HAUS3: variants seen among roughly 807,000 people sequenced by gnomAD.
The protein encoded by HAUS3 is HAUS augmin like complex subunit 3.
In HAUS3, 36 loss-of-function variants were observed where a neutral mutation model predicts 55.2. The observed-to-expected ratio is 0.65, with a 90% CI of 0.50 to 0.86. The LOEUF (loss-of-function observed/expected upper bound fraction) is 0.86, where lower values mean the gene tolerates loss of function less well. HAUS3 is among the 40% of genes least tolerant of loss of function. The pLI is 0.00. For synonymous variants in HAUS3, 234 were observed against 238.6 expected (o/e 0.98, Z 0.18); for missense variants, 752 against 671.5 (o/e 1.12, Z -1.33).
chr4:2,229,185 G>A lies in HAUS3; in HGVS notation c.*2742C>T, dbSNP rs779977250. The A allele has an allele frequency of 6.0e-5, 96 of 1,610,014 alleles. No homozygotes were observed. Among genetic ancestry groups the A allele is most frequent in the Non-Finnish European group, 7.7e-5 (91 of 1,176,774 alleles). Reference sequence around the variant, plus strand: ...AATCTTCTGAGCAACACTGGAGAGCGGTGTATTACAGAGATCAAAGCCTAC... The same window carrying A: ...AATCTTCTGAGCAACACTGGAGAGCAGTGTATTACAGAGATCAAAGCCTAC... On this transcript the variant is annotated 3_prime_UTR_variant, in exon 6 of 6. Coordinates refer to ENST00000443786, the MANE Select transcript of HAUS3 (RefSeq NM_001303143.2).
Position 2,229,328 on chromosome 4 carries a change from A to G in HAUS3, c.*2599T>C. On this transcript the variant is annotated 3_prime_UTR_variant, in exon 6 of 6. Coordinates refer to ENST00000443786, the MANE Select transcript of HAUS3 (RefSeq NM_001303143.2). ...GAAATACAATTATTTTCAAAAATTT[A>G]TATACCAACTTTCATTTAAAATGTC... is the stretch of plus-strand genomic sequence containing the variant. 5 of 1,067,686 alleles carry G rather than the reference A, an allele frequency of 4.7e-6. No homozygotes were observed. The highest frequency in any genetic ancestry group is 6.5e-6 in the Non-Finnish European group (5 of 766,992). The allele number at this position is 1,067,686 out of a possible 1,614,324, so 66.1% of individuals were successfully genotyped here.
rs1560101870 is a variant in HAUS3, at chr4:2,230,635, T to C, written c.*1292A>G. ...TTCAAAAATCAAGAAGGTTCATCTG[T>C]CATCTAGGTATGCCTGTTTTCTGAT... On this transcript the variant is annotated 3_prime_UTR_variant, in exon 6 of 6. Coordinates refer to ENST00000443786, the MANE Select transcript of HAUS3 (RefSeq NM_001303143.2). 6.6e-6 allele frequency: 1 copy of C among 152,030 alleles called. No homozygotes were observed. Among genetic ancestry groups the C allele is most frequent in the Non-Finnish European group, 1.5e-5 (1 of 68,026 alleles). 9.4% of individuals were successfully genotyped at this position (152,030 alleles called of 1,614,324 possible).
At chr4:2,241,828 C>T in intron 1 of HAUS3, 38 bp from the exon 2 acceptor site, 1 of 985,474 alleles carries the variant, frequency 1.0e-6, no homozygotes, top group Non-Finnish European at 1.2e-6. Flanking sequence ...GAATCGCCGT[C>T]GACACCGAGC....
Position 2,242,077 on chromosome 4 carries a change from A to G in HAUS3, c.-445T>C. On this transcript the variant is annotated 5_prime_UTR_variant, in exon 1 of 6. Transcript: ENST00000443786. ...TCAGGAAGTTCCGCTTGCTTCTCGC[A>G]GGAGCCCGCCGCCACCGCCCTCCGT... 1.0e-6 allele frequency: 1 copy of G among 985,774 alleles called. No individual in the cohort carries two copies. Among genetic ancestry groups the G allele is most frequent in the Non-Finnish European group, 1.2e-6 (1 of 830,170 alleles). The allele number at this position is 985,774 out of a possible 1,614,324, so 61.1% of individuals were successfully genotyped here. A position where few individuals can be genotyped will look rare whatever the true frequency, so the allele number is the denominator to read the frequency against.
rs1263371967 is a variant in HAUS3, at chr4:2,229,388, T to C, written c.*2539A>G. 1.6e-6 allele frequency: 1 copy of C among 623,992 alleles called. No homozygotes were observed. The highest frequency in any genetic ancestry group is 2.5e-6 in the Non-Finnish European group (1 of 399,682). The allele number at this position is 623,992 out of a possible 1,614,324, so 38.7% of individuals were successfully genotyped here. A position where few individuals can be genotyped will look rare whatever the true frequency, so the allele number is the denominator to read the frequency against. ...AACCACAGAAAATAGGCATCAATCA[T>C]CCAATAATATAGATAGAAAGAAAAA... is the stretch of plus-strand genomic sequence containing the variant. On this transcript the variant is annotated 3_prime_UTR_variant, in exon 6 of 6. Transcript: ENST00000443786.
At chr4:2,239,955 C>T in intron 3 of HAUS3, 83 bp downstream of exon 3, 1 of 1,053,980 alleles carries the variant, frequency 9.5e-7, no homozygotes, top group Non-Finnish European at 1.4e-6. Flanking sequence ...ATGCACCATT[C>T]TAAAGTACTT....
In HAUS3 at chr4:2,242,051, C is replaced by G. The variant is rs903549993; in HGVS notation, c.-419G>C. The G allele has an allele frequency of 1.0e-6, 1 of 985,644 alleles. No individual in the cohort carries two copies. Among genetic ancestry groups the G allele is most frequent in the Non-Finnish European group, 1.2e-6 (1 of 830,158 alleles). 61.1% of individuals were successfully genotyped at this position (985,644 alleles called of 1,614,324 possible). ...CAGAACCGAGGCCCGCGTCAGTCAC[C>G]TCAGGAAGTTCCGCTTGCTTCTCGC... On this transcript the variant is annotated splice_region_variant and 5_prime_UTR_variant, in exon 1 of 6. Coordinates refer to ENST00000443786, the MANE Select transcript of HAUS3 (RefSeq NM_001303143.2).
At chr4:2,234,918 C>T (rs1050017895) in intron 5 of HAUS3, among the ~76,000 whole-genome samples, 7 of 152,188 alleles carry the variant, frequency 4.6e-5, no homozygotes, top group African/African-American at 1.7e-4. Flanking sequence ...CCAAGTCTTG[C>T]TCTGTCGCCC....
rs1322691084 is a variant in HAUS3, at chr4:2,232,038, T to C, written c.1701A>G (p.Gln567=). 6.6e-7 allele frequency: 1 copy of C among 1,522,200 alleles called. No homozygotes were observed. The highest frequency in any genetic ancestry group is 1.4e-5 in the African/African-American group (1 of 72,794). The allele number at this position is 1,522,200 out of a possible 1,614,324, so 94.3% of individuals were successfully genotyped here. ...RKTLANNKLH[Q]MEREFYVYFL... is the part of the protein sequence containing the mutation. The stretch of plus-strand genomic sequence containing the variant: ...AATATACATAGAATTCTCTTTCCAT[T>C]TGATGTAATTTATTATTTGCCAAAG... The change falls in exon 6 of 6, where the codon CAA becomes CAG. Residue 567 remains glutamine (Q), a synonymous_variant. Transcript: ENST00000443786.
chr4:2,232,292 C>A, intron 5 of HAUS3, 132 bp from the exon 6 acceptor site: 1 of 492,184 alleles, frequency 2.0e-6, no homozygotes, highest in South Asian at 3.6e-5. Context: ...ATAAATAAAC[C>A]TCGATTTAAA....
At chr4:2,235,540 T>G (rs552930494) in intron 5 of HAUS3, among the ~76,000 whole-genome samples, 1 of 152,298 alleles carries the variant, frequency 6.6e-6, no homozygotes, top group South Asian at 2.1e-4. Context: ...GAATACTAAC[T>G]ATACAAAAGA....
At chr4:2,241,187 G>C in intron 2 of HAUS3, 94 bp from the exon 3 acceptor site, 3 of 406,800 alleles carry the variant, frequency 7.4e-6, no homozygotes, top group Non-Finnish European at 1.3e-5. Context: ...ATCCGAGAGC[G>C]GGATAAATGA....
At position 2,241,612 on chromosome 4, in the gene HAUS3, T is replaced by C; in HGVS notation, c.-240A>G. 1.0e-6 allele frequency: 1 copy of C among 985,026 alleles called. No individual in the cohort carries two copies. The highest frequency in any genetic ancestry group is 1.2e-6 in the Non-Finnish European group (1 of 829,924). 61.0% of individuals were successfully genotyped at this position (985,026 alleles called of 1,614,324 possible). A position where few individuals can be genotyped will look rare whatever the true frequency, so the allele number is the denominator to read the frequency against. On this transcript the variant is annotated 5_prime_UTR_variant, in exon 2 of 6. Transcript: ENST00000443786. ...CAGCAGGGAAGCGCGCGGCCACAAT[T>C]AAGGGTGCTTCGGGCCGGCCTTCAG...
intron 2 of HAUS3, 103 bp from the exon 3 acceptor site, chr4:2,241,196 G>T: frequency 2.6e-6 from 1 of 387,860 alleles, no homozygotes; most frequent in East Asian, 5.0e-5. Context: ...CGGGATAAAT[G>T]ACAGGTAGTC....
intron 4 of HAUS3, among the ~76,000 whole-genome samples, chr4:2,237,905 T>C (rs1437574283): frequency 6.6e-6 from 1 of 152,164 alleles, no homozygotes; most frequent in East Asian, 1.9e-4. Context: ...CTTATAGATG[T>C]AACTACACAA....
chr4:2,238,554 C>T (rs1734847730), intron 4 of HAUS3, 50 bp downstream of exon 4: 10 of 1,263,188 alleles, frequency 7.9e-6, no homozygotes, highest in East Asian at 2.4e-5. Flanking sequence ...TCTAGTATTT[C>T]GCAAAAACAA....
chr4:2,235,796 G>C lies in HAUS3; in HGVS notation c.1578+432C>G, dbSNP rs73201295. On this transcript the variant is annotated intron_variant, in intron 5 of 5. Coordinates refer to ENST00000443786, the MANE Select transcript of HAUS3 (RefSeq NM_001303143.2). Reference sequence around the variant, plus strand: ...GTGCGTAATAAAACTATACATAAAAGCAAGAAAATAATGAACAAATTAAGC... The same window carrying C: ...GTGCGTAATAAAACTATACATAAAACCAAGAAAATAATGAACAAATTAAGC... 4.6e-3 allele frequency among the ~76,000 whole-genome samples: 702 copies of C among 152,012 alleles called. 4 individuals carry two copies. The highest frequency in any genetic ancestry group is 8.4e-3 in the Admixed American group (129 of 15,270).
intron 2 of HAUS3, 34 bp from the exon 3 acceptor site, chr4:2,241,127 A>ACT: frequency 1.9e-6 from 1 of 525,472 alleles, no homozygotes; most frequent in Admixed American, 3.8e-5. Flanking sequence ...TAGACCACAA[A>ACT]TATGACGACA....
Position 2,236,922 on chromosome 4 carries a change from G to A in HAUS3, c.1350-466C>T, listed in dbSNP as rs148803760. Among the ~76,000 whole-genome samples the A allele has an allele frequency of 2.5e-3, 373 of 150,432 alleles. 3 individuals carry two copies. Among genetic ancestry groups the A allele is most frequent in the African/African-American group, 7.7e-3 (318 of 41,152 alleles). On this transcript the variant is annotated intron_variant, in intron 4 of 5. Transcript: ENST00000443786. ...TAATATTATTATTATTTGTGTGCCT[G>A]CAAAAATCAAGCAACTGAAACCATT...
Sources: gnomAD v4.1 joint callset for allele counts (sites outside exome capture counted in the v4.1 genomes callset) on GRCh38, gnomAD v4.1.1 for gene constraint, MANE v1.5 for transcripts, NCBI Gene and HGNC (gene_info 2026-07-23, HGNC 2026-07-21) for gene names.